The following XKR4 variants were observed in gnomAD, a reference collection of about 807,000 sequenced individuals.
XKR4 encodes the protein XK-related protein 4.
In XKR4, 12 loss-of-function variants were observed where a neutral mutation model predicts 53.9. That is an observed-to-expected ratio of 0.22 (90% CI 0.14 to 0.36). XKR4 has a LOEUF of 0.36. XKR4 is among the 10% of genes least tolerant of loss of function. The pLI is 1.00. For synonymous variants in XKR4, 354 were observed against 362.4 expected (o/e 0.98, Z 0.26); for missense variants, 799 against 859.5 (o/e 0.93, Z 0.88).
intron 1 of XKR4, among the ~76,000 whole-genome samples, chr8:55,346,874 T>C (rs760092635): frequency 3.9e-5 from 6 of 152,166 alleles, no homozygotes; most frequent in Non-Finnish European, 8.8e-5. Context: ...AGCCAAACTG[T>C]TTAATGTACA....
chr8:55,316,131 A>T (rs1455233108), intron 1 of XKR4, among the ~76,000 whole-genome samples: 1 of 152,166 alleles, frequency 6.6e-6, no homozygotes, highest in South Asian at 2.1e-4. Flanking sequence ...AACCCATTCA[A>T]TGTGGCCCCC....
chr8:55,219,900 A>G (rs1216768668), intron 1 of XKR4, among the ~76,000 whole-genome samples: 1 of 152,186 alleles, frequency 6.6e-6, no homozygotes, highest in Non-Finnish European at 1.5e-5. Flanking sequence ...TCACATATAT[A>G]TACTCCAAAA....
At chr8:55,106,570 G>T (rs1209884440) in intron 1 of XKR4, among the ~76,000 whole-genome samples, 1 of 152,046 alleles carries the variant, frequency 6.6e-6, no homozygotes, top group Non-Finnish European at 1.5e-5. Context: ...TTAGCCAGTG[G>T]GAATCACAAA....
At chr8:55,452,936 CT>C in intron 2 of XKR4, 1 of 787,952 alleles carries the variant, frequency 1.3e-6, no homozygotes, top group Non-Finnish European at 2.3e-6. Flanking sequence ...TGCTCTCCTC[CT>C]TCTGCATCAG....
intron 1 of XKR4, among the ~76,000 whole-genome samples, chr8:55,286,323 G>T (rs1818906492): frequency 6.6e-6 from 1 of 152,176 alleles, no homozygotes; most frequent in Non-Finnish European, 1.5e-5. Context: ...GAAGAGAGAA[G>T]AGGCAACCCA....
chr8:55,483,622 T>A (rs950655997), intron 2 of XKR4, among the ~76,000 whole-genome samples: 1 of 151,818 alleles, frequency 6.6e-6, no homozygotes, highest in African/African-American at 2.4e-5. Context: ...AAAAATGAAG[T>A]CTCAAGGGAA....
intron 1 of XKR4, among the ~76,000 whole-genome samples, chr8:55,172,159 A>C (rs1817168349): frequency 6.6e-6 from 1 of 151,710 alleles, no homozygotes; most frequent in Non-Finnish European, 1.5e-5. Flanking sequence ...GGGTGGCTGC[A>C]GTGAGCCAAG....
At chr8:55,332,754 G>A (rs187006364) in intron 1 of XKR4, among the ~76,000 whole-genome samples, 5 of 151,916 alleles carry the variant, frequency 3.3e-5, no homozygotes, top group East Asian at 1.9e-4. Flanking sequence ...TTGTATACAC[G>A]TATCTTTCCT....
At chr8:55,174,603 C>T (rs1470960393) in intron 1 of XKR4, among the ~76,000 whole-genome samples, 1 of 152,122 alleles carries the variant, frequency 6.6e-6, no homozygotes, top group African/African-American at 2.4e-5. Context: ...TACTACCCTT[C>T]GTCCATAGCT....
intron 2 of XKR4, among the ~76,000 whole-genome samples, chr8:55,410,986 C>G (rs1211377207): frequency 6.6e-6 from 1 of 152,210 alleles, no homozygotes; most frequent in East Asian, 1.9e-4. Context: ...CGTGCCTCTG[C>G]CAGGAAGGCC....
intron 1 of XKR4, among the ~76,000 whole-genome samples, chr8:55,243,847 T>C (rs1456216564): frequency 6.6e-6 from 1 of 152,132 alleles, no homozygotes; most frequent in African/African-American, 2.4e-5. Flanking sequence ...GACGGTCGGA[T>C]CTCCCTGCAT....
At chr8:55,346,233 G>C (rs2939667) in intron 1 of XKR4, among the ~76,000 whole-genome samples, 121,780 of 151,840 alleles carry the variant, frequency 0.8, 49,708 homozygotes, top group African/African-American at 0.95. Context: ...TTACAGGCAT[G>C]CACTACCACA....
At chr8:55,196,175 C>CTTT (rs1032613430) in intron 1 of XKR4, among the ~76,000 whole-genome samples, 17 of 125,948 alleles carry the variant, frequency 1.3e-4, no homozygotes, top group Non-Finnish European at 1.8e-4. Context: ...GTTGTGCTTC[C>CTTT]TTTTTTTTTT....
At chr8:55,451,650 G>T in intron 2 of XKR4, 1 of 1,557,390 alleles carries the variant, frequency 6.4e-7, no homozygotes, top group Non-Finnish European at 8.8e-7. Flanking sequence ...GCAGGGCGTT[G>T]TCCTGGACAC....
chr8:55,179,605 G>A (rs751905213), intron 1 of XKR4, among the ~76,000 whole-genome samples: 12 of 152,272 alleles, frequency 7.9e-5, no homozygotes, highest in Admixed American at 2.0e-4. Context: ...ATCCTTATCT[G>A]TAAATGCCAA....
chr8:55,289,554 AAGGAAGGAAGGAAG>A (rs1818952669), intron 1 of XKR4, among the ~76,000 whole-genome samples: 1 of 131,696 alleles, frequency 7.6e-6, no homozygotes, highest in African/African-American at 2.8e-5. Flanking sequence ...GGAAGGAAGG[AAGGAAGGAAGGAAG>A]GAGAGAGAAA....
At chr8:55,481,670 A>C (rs1484667691) in intron 2 of XKR4, among the ~76,000 whole-genome samples, 2 of 152,190 alleles carry the variant, frequency 1.3e-5, no homozygotes, top group East Asian at 1.9e-4. Flanking sequence ...AATATCCAGA[A>C]TCTACAATGA....
intron 2 of XKR4, among the ~76,000 whole-genome samples, chr8:55,482,124 T>G (rs901261682): frequency 3.3e-5 from 5 of 152,068 alleles, no homozygotes; most frequent in East Asian, 1.9e-4. Context: ...CTATTCACAA[T>G]AGCAAAGACT....
At chr8:55,246,855 G>A (rs1360675805) in intron 1 of XKR4, among the ~76,000 whole-genome samples, 1 of 152,046 alleles carries the variant, frequency 6.6e-6, no homozygotes, top group African/African-American at 2.4e-5. Flanking sequence ...AATGAGAGCT[G>A]CCACAGGTAA....
Sources: allele counts gnomAD v4.1 joint callset (sites outside exome capture counted in the v4.1 genomes callset), GRCh38; gene constraint gnomAD v4.1.1; transcripts MANE v1.5; gene names NCBI Gene and HGNC (gene_info 2026-07-23, HGNC 2026-07-21).